The following BBX variants were observed in gnomAD, a reference collection of about 807,000 sequenced individuals.
BBX encodes the protein HMG box transcription factor BBX.
A neutral mutation model predicts 100.2 loss-of-function variants in BBX; 30 were observed. That is an observed-to-expected ratio of 0.30 (90% CI 0.22 to 0.41). The LOEUF (loss-of-function observed/expected upper bound fraction) is 0.41, where lower values mean the gene tolerates loss of function less well. Among genes scored for constraint, BBX ranks in the 10% least tolerant of loss-of-function variants. BBX has a pLI of 1.00. For synonymous variants in BBX, 376 were observed against 388.1 expected, an observed-to-expected ratio of 0.97 and a Z score of 0.37; for missense variants, 1,023 against 1,129.8, an observed-to-expected ratio of 0.91 and a Z score of 1.35.
chr3:107,750,821 T>G (rs928300149), intron 9 of BBX, among the ~76,000 whole-genome samples: 1 of 152,252 alleles, frequency 6.6e-6, no homozygotes, highest in Non-Finnish European at 1.5e-5. Flanking sequence ...CCTAAAGCTC[T>G]TAGAATTATT....
chr3:107,618,558 T>C (rs979912738), intron 2 of BBX, among the ~76,000 whole-genome samples: 6 of 152,082 alleles, frequency 3.9e-5, no homozygotes, highest in Admixed American at 1.3e-4. Flanking sequence ...GTTTGAGCAT[T>C]GCGTTTCCTG....
At chr3:107,612,561 CTGT>C (rs2107658420) in intron 2 of BBX, among the ~76,000 whole-genome samples, 1 of 152,304 alleles carries the variant, frequency 6.6e-6, no homozygotes, top group African/African-American at 2.4e-5. Context: ...CAGGCAGAGA[CTGT>C]TGTTCTCTTT....
At chr3:107,672,201 T>A (rs2059054989) in intron 3 of BBX, among the ~76,000 whole-genome samples, 1 of 152,000 alleles carries the variant, frequency 6.6e-6, no homozygotes. Context: ...TCACCTTAGC[T>A]CCCCAAGTGT....
At position 107,778,483 on chromosome 3, in the gene BBX, G is replaced by A; in HGVS notation, c.2167G>A (p.Gly723Arg). The A allele has an allele frequency of 6.2e-7, 1 of 1,613,288 alleles. No individual in the cohort carries two copies. The highest frequency in any genetic ancestry group is 8.5e-7 in the Non-Finnish European group (1 of 1,179,486). Reference protein sequence around the residue: ...VPVPRKKKKTGNVSSEPTKTS... With the variant: ...VPVPRKKKKTRNVSSEPTKTS... ...TGTCCCAAGAAAAAAGAAGAAGACTGGAAATGTGTCCTCAGAACCGACTAA... is the reference window on the plus strand; with the variant it reads ...TGTCCCAAGAAAAAAGAAGAAGACTAGAAATGTGTCCTCAGAACCGACTAA... The change falls in exon 13 of 18, where the codon GGA (glycine) becomes AGA (arginine). Residue 723 changes from glycine to arginine, a missense_variant. Gly to Arg is a moderately radical substitution (Grantham distance 125). Around this residue, in one of 9 missense-constraint regions of BBX, gnomAD observed 215 missense variants for 211.3 expected, o/e 1.02. Coordinates refer to ENST00000325805, the MANE Select transcript of BBX (RefSeq NM_001142568.3).
At chr3:107,525,512 T>C (rs623738) in intron 1 of BBX, 43,051 of 152,298 alleles carry the variant, frequency 0.28, 6,503 homozygotes, top group African/African-American at 0.33. Context: ...TCATTTTTTC[T>C]TCCCCCCTCT....
intron 2 of BBX, among the ~76,000 whole-genome samples, chr3:107,636,261 C>G (rs948047201): frequency 2.0e-5 from 3 of 152,064 alleles, no homozygotes; most frequent in Non-Finnish European, 2.9e-5. Flanking sequence ...GAGCCATGGA[C>G]TATTTTCCCA....
At chr3:107,760,096 A>G (rs2065778637) in intron 10 of BBX, among the ~76,000 whole-genome samples, 1 of 152,224 alleles carries the variant, frequency 6.6e-6, no homozygotes, top group African/African-American at 2.4e-5. Context: ...CAAAAGCTAT[A>G]GAAGTTATAT....
At chr3:107,554,487 G>C (rs926472564) in intron 2 of BBX, among the ~76,000 whole-genome samples, 15 of 152,238 alleles carry the variant, frequency 9.9e-5, no homozygotes, top group African/African-American at 3.6e-4. Flanking sequence ...AGCTCACAAA[G>C]GAATTTGTGG....
intron 6 of BBX, among the ~76,000 whole-genome samples, chr3:107,731,545 C>T (rs2063316146): frequency 6.6e-6 from 1 of 152,060 alleles, no homozygotes; most frequent in Non-Finnish European, 1.5e-5. Context: ...ATCAAATTAG[C>T]TACTGTTTGT....
intron 3 of BBX, among the ~76,000 whole-genome samples, chr3:107,681,866 AG>A (rs1168457568): frequency 6.6e-6 from 1 of 152,128 alleles, no homozygotes; most frequent in Non-Finnish European, 1.5e-5. Context: ...AGCTAGCAAC[AG>A]GGGGGCTATA....
At chr3:107,637,761 G>A (rs1576114517) in intron 2 of BBX, among the ~76,000 whole-genome samples, 1 of 152,306 alleles carries the variant, frequency 6.6e-6, no homozygotes, top group South Asian at 2.1e-4. Context: ...ATGGCCTTTT[G>A]TGTAGTCACT....
intron 6 of BBX, among the ~76,000 whole-genome samples, chr3:107,732,126 C>G (rs901814896): frequency 1.3e-5 from 2 of 152,132 alleles, no homozygotes. Flanking sequence ...GATCTTAGCT[C>G]ACTGTAGCCT....
intron 2 of BBX, among the ~76,000 whole-genome samples, chr3:107,601,850 A>G (rs775086714): frequency 2.6e-5 from 4 of 152,234 alleles, no homozygotes; most frequent in Non-Finnish European, 4.4e-5. Context: ...GGAAGGTGCT[A>G]TCTAGGATTT....
At position 107,668,312 on chromosome 3, in the gene BBX, T is replaced by A. The variant is rs1251609002; in HGVS notation, c.-10+22403T>A. On this transcript the variant is annotated intron_variant, in intron 3 of 17. Transcript: ENST00000325805. Reference sequence around the variant, plus strand: ...TCCTGTGCTAGCCAAGCACTGTGTCTCATTTGAATGATGACATTATTGCCC... The same window carrying A: ...TCCTGTGCTAGCCAAGCACTGTGTCACATTTGAATGATGACATTATTGCCC... 2.0e-5 allele frequency among the ~76,000 whole-genome samples: 3 copies of A among 152,356 alleles called. No individual in the cohort carries two copies. The East Asian group carries it at 5.8e-4, about 29-fold the overall frequency.
intron 3 of BBX, among the ~76,000 whole-genome samples, chr3:107,704,786 G>T (rs1197201665): frequency 6.6e-6 from 1 of 152,084 alleles, no homozygotes; most frequent in African/African-American, 2.4e-5. Flanking sequence ...ATCAAAGCAG[G>T]GTGCAGGGGA....
intron 2 of BBX, among the ~76,000 whole-genome samples, chr3:107,575,019 A>G (rs1158289474): frequency 6.6e-6 from 1 of 152,194 alleles, no homozygotes; most frequent in African/African-American, 2.4e-5. Context: ...GAATCACATA[A>G]ACCCACAAAA....
At chr3:107,592,366 A>AAG (rs2053391182) in intron 2 of BBX, among the ~76,000 whole-genome samples, 1 of 150,382 alleles carries the variant, frequency 6.6e-6, no homozygotes, top group African/African-American at 2.4e-5. Context: ...GTCTCAAAAA[A>AAG]AAAAAAAAAA....
At position 107,797,337 on chromosome 3, in the gene BBX, A is replaced by T. The variant is rs6148004; in HGVS notation, c.2354-1186A>T. ...TCCTCTTAGTTTAGCTTTTCTTCCAAATATATATATATATATATATATATA... is the reference window on the plus strand; with the variant it reads ...TCCTCTTAGTTTAGCTTTTCTTCCATATATATATATATATATATATATATA... On this transcript the variant is annotated intron_variant, in intron 15 of 17. Coordinates refer to ENST00000325805, the MANE Select transcript of BBX (RefSeq NM_001142568.3). 5.3e-3 allele frequency among the ~76,000 whole-genome samples: 209 copies of T among 39,332 alleles called. 7 individuals are homozygous for T. The highest frequency in any genetic ancestry group is 0.012 in the African/African-American group (153 of 13,184). The allele number at this position is 39,332 out of a possible 152,430, so 25.8% of individuals were successfully genotyped here. A position where few individuals can be genotyped will look rare whatever the true frequency, so the allele number is the denominator to read the frequency against.
chr3:107,763,391 G>C (rs1270643121), intron 10 of BBX, among the ~76,000 whole-genome samples: 1 of 151,964 alleles, frequency 6.6e-6, no homozygotes, highest in Non-Finnish European at 1.5e-5. Flanking sequence ...TTTTTCCACT[G>C]ATCATTTTAT....
Sources: allele counts gnomAD v4.1 joint callset (sites outside exome capture counted in the v4.1 genomes callset), GRCh38; gene constraint gnomAD v4.1.1; regional missense constraint gnomAD v4.1.1; transcripts MANE v1.5; gene names NCBI Gene and HGNC (gene_info 2026-07-23, HGNC 2026-07-21).